GRID2: variants seen among roughly 807,000 people sequenced by gnomAD.
The protein encoded by GRID2 is glutamate receptor ionotropic, delta-2.
Under a neutral mutation model 114.8 loss-of-function variants are expected in GRID2, and 33 were observed. That is an observed-to-expected ratio of 0.29 (90% CI 0.22 to 0.38). The LOEUF (loss-of-function observed/expected upper bound fraction) is 0.38, where lower values mean the gene tolerates loss of function less well. Among genes scored for constraint, GRID2 ranks in the 10% least tolerant of loss-of-function variants. GRID2 has a pLI of 1.00. For synonymous variants in GRID2, 505 were observed against 449.9 expected (o/e 1.12, Z -1.55); for missense variants, 1,184 against 1,257.7 (o/e 0.94, Z 0.89).
intron 13 of GRID2, among the ~76,000 whole-genome samples, chr4:93,594,365 C>T (rs1276407795): frequency 9.9e-5 from 15 of 152,280 alleles, no homozygotes; most frequent in East Asian, 3.9e-4. Flanking sequence ...TTAGGCTGCT[C>T]GGGGGTCAGG....
rs549569305 is a variant in GRID2, at chr4:93,010,790, G to T, written c.245-74205G>T. Among the ~76,000 whole-genome samples, 3 of 152,156 alleles carry T rather than the reference G, an allele frequency of 2.0e-5. No individual in the cohort carries two copies. The South Asian group carries it at 6.2e-4, about 32-fold the overall frequency. On this transcript the variant is annotated intron_variant, in intron 2 of 15. Coordinates refer to ENST00000282020, the MANE Select transcript of GRID2 (RefSeq NM_001510.4). ...TTACCAAAATGTGACTTTTCAACATGTGGCTGAAGATCCTTATTTCTGAAA... is the reference window on the plus strand; with the variant it reads ...TTACCAAAATGTGACTTTTCAACATTTGGCTGAAGATCCTTATTTCTGAAA...
intron 2 of GRID2, among the ~76,000 whole-genome samples, chr4:92,922,569 G>C (rs1457794301): frequency 6.6e-6 from 1 of 151,890 alleles, no homozygotes; most frequent in African/African-American, 2.4e-5. Flanking sequence ...ATTCAAATAT[G>C]GTTTTAATAT....
chr4:93,737,749 A>G (rs1438710514), intron 14 of GRID2, among the ~76,000 whole-genome samples: 1 of 152,142 alleles, frequency 6.6e-6, no homozygotes, highest in Non-Finnish European at 1.5e-5. Flanking sequence ...TACTTAATTT[A>G]ACTCCCATTT....
At chr4:93,326,844 T>G (rs566475340) in intron 8 of GRID2, among the ~76,000 whole-genome samples, 1 of 152,204 alleles carries the variant, frequency 6.6e-6, no homozygotes. Flanking sequence ...AATCCCTTTA[T>G]GTTTCATCAG....
chr4:93,241,947 TAAGA>T (rs926689492), intron 8 of GRID2, among the ~76,000 whole-genome samples: 2 of 151,320 alleles, frequency 1.3e-5, no homozygotes, highest in Non-Finnish European at 3.0e-5. Context: ...AATGAAGATA[TAAGA>T]AAGAAAGGTG....
chr4:93,512,877 C>T (rs1729333983), intron 12 of GRID2, among the ~76,000 whole-genome samples: 1 of 151,888 alleles, frequency 6.6e-6, no homozygotes, highest in South Asian at 2.1e-4. Context: ...TATTAAAGAT[C>T]TTAACATTTG....
At chr4:93,052,310 T>TA (rs1726795028) in intron 2 of GRID2, among the ~76,000 whole-genome samples, 1 of 151,976 alleles carries the variant, frequency 6.6e-6, no homozygotes, top group African/African-American at 2.4e-5. Flanking sequence ...GTAGCACACT[T>TA]ACGCAACTTT....
chr4:92,495,140 T>C (rs1199983668), intron 1 of GRID2, among the ~76,000 whole-genome samples: 1 of 152,000 alleles, frequency 6.6e-6, no homozygotes, highest in Non-Finnish European at 1.5e-5. Flanking sequence ...ACCAGAATTC[T>C]CCTCACGAGA....
chr4:93,373,378 A>T (rs1330620713), intron 8 of GRID2, among the ~76,000 whole-genome samples: 1 of 151,894 alleles, frequency 6.6e-6, no homozygotes, highest in Non-Finnish European at 1.5e-5. Context: ...AGGTAATGTG[A>T]TTTACCAATT....
intron 2 of GRID2, among the ~76,000 whole-genome samples, chr4:92,707,805 A>G (rs537788179): frequency 1.5e-3 from 221 of 152,362 alleles, no homozygotes; most frequent in Middle Eastern, 0.014. Context: ...GTTTGAAGGA[A>G]GTTCGACTGT....
At chr4:93,264,621 T>C (rs943511349) in intron 8 of GRID2, among the ~76,000 whole-genome samples, 1 of 150,524 alleles carries the variant, frequency 6.6e-6, no homozygotes, top group Non-Finnish European at 1.5e-5. Context: ...ACAATTTCTC[T>C]TCTCCTGAGG....
intron 2 of GRID2, among the ~76,000 whole-genome samples, chr4:92,733,867 C>A (rs1292335315): frequency 6.6e-6 from 1 of 151,994 alleles, no homozygotes; most frequent in East Asian, 1.9e-4. Context: ...CAGCAAGGAT[C>A]CTCCAGGCAA....
intron 8 of GRID2, among the ~76,000 whole-genome samples, chr4:93,356,108 T>C (rs1761308258): frequency 6.6e-6 from 1 of 152,074 alleles, no homozygotes. Context: ...CATAAACATA[T>C]AAAACCCGTA....
chr4:93,788,603 C>T (rs934335628), intron 1 of GRID2, among the ~76,000 whole-genome samples: 2 of 151,760 alleles, frequency 1.3e-5, no homozygotes, highest in Non-Finnish European at 2.9e-5. Flanking sequence ...AAAAAGATAA[C>T]AAAAATCTCA....
intron 13 of GRID2, among the ~76,000 whole-genome samples, chr4:93,562,025 A>G (rs960430531): frequency 2.0e-5 from 3 of 151,960 alleles, no homozygotes; most frequent in East Asian, 1.9e-4. Flanking sequence ...CGAGTTTTCA[A>G]CTCCTCTGGG....
intron 4 of GRID2, among the ~76,000 whole-genome samples, chr4:93,185,469 C>T (rs1401768510): frequency 6.6e-6 from 1 of 152,162 alleles, no homozygotes; most frequent in African/African-American, 2.4e-5. Context: ...TTTCAATCTG[C>T]ATACACATGA....
intron 2 of GRID2, among the ~76,000 whole-genome samples, chr4:92,787,608 G>A (rs1739379046): frequency 6.6e-6 from 1 of 151,902 alleles, no homozygotes; most frequent in Admixed American, 6.6e-5. Context: ...ATCACTTAAG[G>A]TTTTATAGTT....
intron 2 of GRID2, among the ~76,000 whole-genome samples, chr4:92,611,201 C>G (rs1729730798): frequency 6.6e-6 from 1 of 150,948 alleles, no homozygotes. Flanking sequence ...TAAAATACAA[C>G]AGACTGGGTG....
intron 2 of GRID2, among the ~76,000 whole-genome samples, chr4:92,874,006 G>C (rs1477351436): frequency 6.6e-6 from 1 of 152,030 alleles, no homozygotes; most frequent in Non-Finnish European, 1.5e-5. Context: ...CAGCCACTGC[G>C]CCCGGCCTCC....
Sources: gnomAD v4.1 joint callset for allele counts (sites outside exome capture counted in the v4.1 genomes callset) on GRCh38, gnomAD v4.1.1 for gene constraint, MANE v1.5 for transcripts, NCBI Gene and HGNC (gene_info 2026-07-23, HGNC 2026-07-21) for gene names.